COLEC10: variants seen among roughly 807,000 people sequenced by gnomAD.
COLEC10 encodes collectin-10.
In COLEC10, 22 loss-of-function variants were observed where a neutral mutation model predicts 28.4. The ratio of observed to expected loss-of-function variants is 0.78; its 90% CI spans 0.55 to 1.11. The LOEUF is 1.11. COLEC10 is among the 50% of genes least tolerant of loss of function. The probability of loss-of-function intolerance (pLI) is 0.00; values close to 1 mark genes in which losing one functional copy is unlikely to be tolerated. For missense variants in COLEC10, 361 were observed against 344.1 expected (o/e 1.05, Z -0.39); for synonymous variants, 125 against 116.1 (o/e 1.08, Z -0.49).
At chr8:119,027,666 T>C (rs2130120698) in intron 2 of COLEC10, among the ~76,000 whole-genome samples, 1 of 152,332 alleles carries the variant, frequency 6.6e-6, no homozygotes, top group Middle Eastern at 3.4e-3. Context: ...TTTGCATTGC[T>C]CTGGGACCTT....
At chr8:119,042,041 A>G (rs1051894408) in intron 2 of COLEC10, among the ~76,000 whole-genome samples, 1 of 151,816 alleles carries the variant, frequency 6.6e-6, no homozygotes. Context: ...CCTGTCTCCC[A>G]CGCTGGAGTG....
intron 3 of COLEC10, among the ~76,000 whole-genome samples, chr8:119,101,982 T>TA (rs144008489): frequency 0.069 from 10,422 of 151,900 alleles, 1,129 homozygotes; most frequent in African/African-American, 0.23. Context: ...GCCATGTTAT[T>TA]AAAAAAAATG....
At chr8:119,040,068 T>G (rs1241406125) in intron 2 of COLEC10, among the ~76,000 whole-genome samples, 1 of 152,162 alleles carries the variant, frequency 6.6e-6, no homozygotes, top group African/African-American at 2.4e-5. Flanking sequence ...TCTGTATCTG[T>G]AAAATAAGAG....
chr8:119,024,086 C>T (rs528991972), intron 2 of COLEC10, among the ~76,000 whole-genome samples: 4 of 152,244 alleles, frequency 2.6e-5, no homozygotes, highest in African/African-American at 9.6e-5. Context: ...CTCAGTTTTT[C>T]AGTCTTTCAT....
chr8:119,065,650 A>G (rs1245222331), upstream of COLEC10, among the ~76,000 whole-genome samples: 1 of 152,088 alleles, frequency 6.6e-6, no homozygotes, highest in Non-Finnish European at 1.5e-5. Flanking sequence ...TGAGATCAAG[A>G]GTTGGAGACC....
intron 1 of COLEC10, among the ~76,000 whole-genome samples, chr8:119,008,167 A>G (rs75864048): frequency 0.014 from 2,161 of 151,000 alleles, 181 homozygotes; most frequent in African/African-American, 0.05. Flanking sequence ...ATTCTAAGGA[A>G]TTGTGTAATG....
chr8:119,013,319 G>A (rs1271033455), intron 2 of COLEC10, among the ~76,000 whole-genome samples: 1 of 150,498 alleles, frequency 6.6e-6, no homozygotes, highest in Non-Finnish European at 1.5e-5. Context: ...ACTGTGGTCT[G>A]AAAGCAGACA....
At chr8:118,980,537 G>T in the COLEC10 span, among the ~76,000 whole-genome samples, 1 of 151,748 alleles carries the variant, frequency 6.6e-6, no homozygotes, top group Non-Finnish European at 1.5e-5. Flanking sequence ...TTTTATACCT[G>T]TCATCAAGTT....
intron 2 of COLEC10, among the ~76,000 whole-genome samples, chr8:119,028,866 A>C (rs1418212098): frequency 1.3e-5 from 2 of 152,184 alleles, no homozygotes; most frequent in Non-Finnish European, 2.9e-5. Context: ...ACTAGTAATT[A>C]ATGGTATTTG....
upstream of COLEC10, among the ~76,000 whole-genome samples, chr8:119,064,314 G>A (rs967450947): frequency 5.3e-5 from 8 of 152,118 alleles, no homozygotes; most frequent in African/African-American, 1.9e-4. Flanking sequence ...GAGGGGGGCA[G>A]AATATGCCAA....
At chr8:118,967,378 A>G in the COLEC10 span, among the ~76,000 whole-genome samples, 7 of 152,140 alleles carry the variant, frequency 4.6e-5, no homozygotes, top group Admixed American at 4.6e-4. Flanking sequence ...CCTTCATAGT[A>G]TGGTAATACT....
At chr8:118,957,212 T>C in the COLEC10 span, among the ~76,000 whole-genome samples, 2 of 152,342 alleles carry the variant, frequency 1.3e-5, no homozygotes, top group South Asian at 2.1e-4. Flanking sequence ...AGTATCCTGA[T>C]ACAGATCAAA....
intron 1 of COLEC10, among the ~76,000 whole-genome samples, chr8:119,074,059 A>T (rs749761352): frequency 6.6e-6 from 1 of 151,964 alleles, no homozygotes; most frequent in Non-Finnish European, 1.5e-5. Flanking sequence ...TAGCTATACG[A>T]TCTTAAGCTT....
chr8:119,065,145 G>T (rs1183667109), upstream of COLEC10, among the ~76,000 whole-genome samples: 2 of 152,062 alleles, frequency 1.3e-5, no homozygotes, highest in Non-Finnish European at 2.9e-5. Context: ...TAAGCCAGGG[G>T]TCCCCAGTCC....
chr8:118,969,879 G>A, the COLEC10 span, among the ~76,000 whole-genome samples: 1 of 151,794 alleles, frequency 6.6e-6, no homozygotes, highest in Non-Finnish European at 1.5e-5. Context: ...TTTACAAAGG[G>A]CATTTTATTC....
chr8:119,043,850 G>T (rs149797383), intron 2 of COLEC10, among the ~76,000 whole-genome samples: 2 of 152,168 alleles, frequency 1.3e-5, no homozygotes, highest in Admixed American at 6.5e-5. Flanking sequence ...TCCAGGAGAG[G>T]ACAATGACTT....
chr8:118,957,525 T>A, the COLEC10 span, among the ~76,000 whole-genome samples: 1 of 152,116 alleles, frequency 6.6e-6, no homozygotes, highest in Non-Finnish European at 1.5e-5. Context: ...ACCTTATGTG[T>A]CCAGAGAGGT....
chr8:118,953,254 A>G, the COLEC10 span, among the ~76,000 whole-genome samples: 1 of 152,200 alleles, frequency 6.6e-6, no homozygotes, highest in Non-Finnish European at 1.5e-5. Context: ...TAGTGAATAA[A>G]TGTAGCTCAG....
rs17772831 is a variant in COLEC10 at position 119,080,283 on chromosome 8, A to G, written c.149-9397A>G. Among the ~76,000 whole-genome samples, 193 of 152,302 alleles carry G rather than the reference A, an allele frequency of 1.3e-3. 1 individual carries two copies. The highest frequency in any genetic ancestry group is 2.2e-3 in the Non-Finnish European group (150 of 68,014). On this transcript the variant is annotated intron_variant, in intron 1 of 5. Coordinates refer to ENST00000332843, the MANE Select transcript of COLEC10 (RefSeq NM_006438.5). ...TAGGACACAACACAGCTTGGTAGCTAGTAGAAATGCAGTAAAAATTGGCCA... is the reference window on the plus strand; with the variant it reads ...TAGGACACAACACAGCTTGGTAGCTGGTAGAAATGCAGTAAAAATTGGCCA...
Sources: allele counts gnomAD v4.1 joint callset (sites outside exome capture counted in the v4.1 genomes callset), GRCh38; gene constraint gnomAD v4.1.1; transcripts MANE v1.5; gene names NCBI Gene and HGNC (gene_info 2026-07-23, HGNC 2026-07-21).